Variants in OR9Q1 observed in about 807,000 individuals in gnomAD.
OR9Q1 encodes olfactory receptor family 9 subfamily Q member 1, also known as olfactory receptor 9Q1.
For synonymous variants in OR9Q1, 153 were observed against 148.6 expected, an observed-to-expected ratio of 1.03 and a Z score of -0.22; for missense variants, 374 against 378.8, an observed-to-expected ratio of 0.99 and a Z score of 0.11.
intron 2 of OR9Q1, among the ~76,000 whole-genome samples, chr11:58,079,360 C>T (rs1292916459): frequency 6.6e-6 from 1 of 152,022 alleles, no homozygotes; most frequent in African/African-American, 2.4e-5. Context: ...CATTATTATC[C>T]AAGTAGTGAG....
chr11:58,032,496 G>A (rs1296745774), intron 1 of OR9Q1, among the ~76,000 whole-genome samples: 1 of 152,106 alleles, frequency 6.6e-6, no homozygotes, highest in African/African-American at 2.4e-5. Flanking sequence ...TGAAAAAGCT[G>A]ACAAAAATAA....
chr11:58,036,796 T>G (rs557010356), intron 1 of OR9Q1, among the ~76,000 whole-genome samples: 1 of 152,234 alleles, frequency 6.6e-6, no homozygotes, highest in Admixed American at 6.5e-5. Flanking sequence ...ACAAAACGAA[T>G]GGATGAAGAG....
intron 2 of OR9Q1, among the ~76,000 whole-genome samples, chr11:58,141,486 T>C (rs1719816092): frequency 6.6e-6 from 1 of 152,224 alleles, no homozygotes; most frequent in Non-Finnish European, 1.5e-5. Flanking sequence ...TCATATGGTT[T>C]TTGTCATTGG....
At chr11:58,145,677 G>A (rs1405869268) in intron 2 of OR9Q1, among the ~76,000 whole-genome samples, 1 of 152,186 alleles carries the variant, frequency 6.6e-6, no homozygotes, top group African/African-American at 2.4e-5. Flanking sequence ...AGGATCAAGG[G>A]AGAGGGAATC....
intron 2 of OR9Q1, among the ~76,000 whole-genome samples, chr11:58,079,409 C>G (rs1213965108): frequency 6.6e-6 from 1 of 152,112 alleles, no homozygotes; most frequent in Admixed American, 6.5e-5. Flanking sequence ...AAATTATATA[C>G]TTTTTAGAGT....
chr11:58,139,400 ATTAG>A (rs1205106369), intron 2 of OR9Q1, among the ~76,000 whole-genome samples: 15 of 152,018 alleles, frequency 9.9e-5, no homozygotes, highest in Non-Finnish European at 2.2e-4. Flanking sequence ...ATTATTTAAC[ATTAG>A]GTATATCTCC....
rs1853902176 is a variant in OR9Q1, at chr11:58,111,799, C to T, written c.-15+55852C>T. 2.6e-5 allele frequency among the ~76,000 whole-genome samples: 4 copies of T among 152,132 alleles called. No individual in the cohort carries two copies. In the South Asian group the frequency reaches 8.3e-4, roughly 31 times the overall value. ...TTCTAGTATAGACATCTTGAATTCTCACTCCAATCTACTATCCTATTCTAT... is the reference window on the plus strand; with the variant it reads ...TTCTAGTATAGACATCTTGAATTCTTACTCCAATCTACTATCCTATTCTAT... On this transcript the variant is annotated intron_variant, in intron 2 of 2. Transcript: ENST00000335397.
chr11:58,145,488 T>C (rs1854292036), intron 2 of OR9Q1: 1 of 152,196 alleles, frequency 6.6e-6, no homozygotes, highest in South Asian at 2.1e-4. Context: ...TCTCGTCCTC[T>C]TAACACATGA....
intron 2 of OR9Q1, chr11:58,117,285 C>A (rs139710577): frequency 2.8e-4 from 43 of 152,002 alleles, no homozygotes; most frequent in Admixed American, 1.4e-3. Flanking sequence ...AATCATTTAC[C>A]CAAAGTCTCA....
chr11:58,148,340 G>T (rs866838268), intron 2 of OR9Q1, among the ~76,000 whole-genome samples: 13 of 151,978 alleles, frequency 8.6e-5, no homozygotes, highest in African/African-American at 3.1e-4. Context: ...TTTGTATATG[G>T]GAATGCATTT....
At chr11:58,081,841 T>A (rs2120043348) in intron 2 of OR9Q1, among the ~76,000 whole-genome samples, 1 of 150,804 alleles carries the variant, frequency 6.6e-6, no homozygotes, top group Non-Finnish European at 1.5e-5. Context: ...ATCTAAATAA[T>A]ATGCTATTAA....
intron 1 of OR9Q1, among the ~76,000 whole-genome samples, chr11:58,026,227 G>A (rs1208279552): frequency 3.3e-5 from 5 of 152,198 alleles, no homozygotes. Flanking sequence ...CTTGAATGAG[G>A]AACTGGCAGG....
chr11:58,060,255 AAG>A (rs1853367405), intron 2 of OR9Q1: 1 of 152,190 alleles, frequency 6.6e-6, no homozygotes, highest in Admixed American at 6.5e-5. Context: ...TTCAAAGGTA[AAG>A]AGGGGAGAAT....
chr11:58,048,679 A>ATATATAT (rs1554965247), intron 1 of OR9Q1, among the ~76,000 whole-genome samples: 5 of 131,396 alleles, frequency 3.8e-5, no homozygotes, highest in Non-Finnish European at 6.3e-5. Context: ...TAAAAAAAAA[A>ATATATAT]ATATATATAT....
chr11:58,155,918 C>CTTTTTTTT lies in OR9Q1; in HGVS notation c.-14-23513_-14-23512insTTTTTTTT. On this transcript the variant is annotated intron_variant, in intron 2 of 2. Transcript: ENST00000335397. ...TCTTGCTGTTCTTTTTCTTTTCCTT[C>CTTTTTTTT]CTTTTTTTTTTTTTTGAGATAGACT... Among the ~76,000 whole-genome samples the CTTTTTTTT allele has an allele frequency of 1.4e-5, 2 of 140,428 alleles. 1 individual carries two copies. The highest frequency in any genetic ancestry group is 3.1e-5 in the Non-Finnish European group (2 of 65,538). 92.1% of individuals were successfully genotyped at this position (140,428 alleles called of 152,430 possible).
At chr11:58,077,377 C>T (rs929616058) in intron 2 of OR9Q1, 1 of 152,196 alleles carries the variant, frequency 6.6e-6, no homozygotes, top group Non-Finnish European at 1.5e-5. Flanking sequence ...CAGAAGTTAC[C>T]TATGGCCTTT....
intron 2 of OR9Q1, among the ~76,000 whole-genome samples, chr11:58,178,918 T>TTTATATA (rs1432020738): frequency 6.9e-6 from 1 of 144,554 alleles, no homozygotes; most frequent in African/African-American, 2.5e-5. Context: ...ATATTATATA[T>TTTATATA]TTATATATTA....
chr11:58,060,411 G>C (rs1280258016), intron 2 of OR9Q1, among the ~76,000 whole-genome samples: 4 of 152,188 alleles, frequency 2.6e-5, no homozygotes, highest in Admixed American at 6.5e-5. Context: ...TCTAATATCA[G>C]GGGATGGGTA....
intron 2 of OR9Q1, among the ~76,000 whole-genome samples, chr11:58,140,142 T>A (rs1246660855): frequency 6.6e-6 from 1 of 152,186 alleles, no homozygotes; most frequent in Non-Finnish European, 1.5e-5. Context: ...TGTTTGTTTT[T>A]TTCTTGTAAA....
Sources: gnomAD v4.1 joint callset for allele counts (sites outside exome capture counted in the v4.1 genomes callset) on GRCh38, gnomAD v4.1.1 for gene constraint, MANE v1.5 for transcripts, NCBI Gene and HGNC (gene_info 2026-07-23, HGNC 2026-07-21) for gene names.